Variants in ATP8A1 observed in about 807,000 individuals in gnomAD.
ATP8A1 encodes ATPase phospholipid transporting 8A1.
In ATP8A1, 90 loss-of-function variants were observed where a neutral mutation model predicts 177.7. That is an observed-to-expected ratio of 0.51 (90% CI 0.43 to 0.60). The LOEUF (loss-of-function observed/expected upper bound fraction) is 0.60. Ranked by LOEUF, ATP8A1 falls within the 20% of genes least tolerant of loss-of-function variation. The pLI is 0.00. For synonymous variants in ATP8A1, 493 were observed against 485.9 expected, an observed-to-expected ratio of 1.01 and a Z score of -0.19; for missense variants, 1,072 against 1,392.8, an observed-to-expected ratio of 0.77 and a Z score of 3.67.
At chr4:42,465,459 TAA>T (rs1197646806) in intron 25 of ATP8A1, among the ~76,000 whole-genome samples, 2 of 152,356 alleles carry the variant, frequency 1.3e-5, no homozygotes, top group East Asian at 1.9e-4. Flanking sequence ...AGCTGGAAAG[TAA>T]AAGTTTTGAG....
At chr4:42,625,766 C>T in intron 2 of ATP8A1, 53 bp from the exon 3 acceptor site, 1 of 1,113,482 alleles carries the variant, frequency 9.0e-7, no homozygotes, top group Non-Finnish European at 1.3e-6. Context: ...TTAGCACCCA[C>T]ACTTACAAAG....
chr4:42,524,933 T>C, intron 20 of ATP8A1, 86 bp from the exon 21 acceptor site: 2 of 762,856 alleles, frequency 2.6e-6, no homozygotes, highest in Non-Finnish European at 4.3e-6. Flanking sequence ...CAGTAGGAAA[T>C]CAGTGTAACA....
At chr4:42,599,926 C>T (rs767893445) in intron 6 of ATP8A1, among the ~76,000 whole-genome samples, 9 of 152,188 alleles carry the variant, frequency 5.9e-5, no homozygotes, top group Non-Finnish European at 1.3e-4. Context: ...AAAGAATAAA[C>T]ACCTGAATAA....
At chr4:42,570,494 C>T (rs943511115) in intron 14 of ATP8A1, among the ~76,000 whole-genome samples, 1 of 152,316 alleles carries the variant, frequency 6.6e-6, no homozygotes, top group East Asian at 1.9e-4. Flanking sequence ...ATGGTCCTGC[C>T]AAGCTGCACT....
At chr4:42,553,295 T>C (rs573421739) in intron 16 of ATP8A1, among the ~76,000 whole-genome samples, 7 of 152,278 alleles carry the variant, frequency 4.6e-5, no homozygotes, top group African/African-American at 1.7e-4. Context: ...AGATTTAAAT[T>C]TTAGGCATGC....
At chr4:42,465,914 C>T (rs1438298697) in intron 25 of ATP8A1, among the ~76,000 whole-genome samples, 2 of 151,830 alleles carry the variant, frequency 1.3e-5, no homozygotes, top group African/African-American at 2.4e-5. Flanking sequence ...CGCCTGTAGT[C>T]CCAGCTACTT....
chr4:42,499,441 C>A (rs1723598671), intron 24 of ATP8A1, among the ~76,000 whole-genome samples: 2 of 152,048 alleles, frequency 1.3e-5, no homozygotes. Flanking sequence ...AAAAGAGATG[C>A]CAGAAGGAGA....
intron 31 of ATP8A1, among the ~76,000 whole-genome samples, chr4:42,446,080 CAAAAAAAA>C: frequency 1.6e-5 from 1 of 63,930 alleles, no homozygotes; most frequent in African/African-American, 4.6e-5. Flanking sequence ...AACGCCCTCT[CAAAAAAAA>C]AAAAAAAAAA....
intron 19 of ATP8A1, among the ~76,000 whole-genome samples, chr4:42,547,047 G>A (rs892168307): frequency 7.2e-5 from 11 of 152,106 alleles, no homozygotes; most frequent in Admixed American, 5.2e-4. Context: ...CTGCCAAATT[G>A]CTATTTCAGC....
chr4:42,644,795 G>T (rs1740363194), intron 1 of ATP8A1, among the ~76,000 whole-genome samples: 3 of 151,446 alleles, frequency 2.0e-5, no homozygotes, highest in Non-Finnish European at 4.4e-5. Context: ...GGTAAATTGG[G>T]AGTTTTCACA....
chr4:42,550,277 T>C (rs1346405912), intron 18 of ATP8A1, among the ~76,000 whole-genome samples: 1 of 151,848 alleles, frequency 6.6e-6, no homozygotes, highest in Non-Finnish European at 1.5e-5. Context: ...GATGAATCAA[T>C]AACTCATTCT....
intron 19 of ATP8A1, among the ~76,000 whole-genome samples, chr4:42,545,575 C>T (rs1243042607): frequency 6.6e-6 from 1 of 152,234 alleles, no homozygotes; most frequent in East Asian, 1.9e-4. Context: ...CTCTCTTGCA[C>T]TGTGCAGGGC....
At chr4:42,448,396 C>CTTTACTTTTTTTTTTTTT (rs778022629) in intron 30 of ATP8A1, among the ~76,000 whole-genome samples, 1,474 of 83,834 alleles carry the variant, frequency 0.018, 436 homozygotes, top group Admixed American at 0.037. Context: ...CCTTCTCTTT[C>CTTTACTTTTTTTTTTTTT]TTTTCTTTTT....
At chr4:42,476,949 A>AT (rs1167095042) in intron 25 of ATP8A1, among the ~76,000 whole-genome samples, 1 of 152,208 alleles carries the variant, frequency 6.6e-6, no homozygotes, top group East Asian at 1.9e-4. Context: ...ATTACCACTG[A>AT]TTTTATATAT....
At chr4:42,622,339 G>A (rs934954297) in intron 4 of ATP8A1, among the ~76,000 whole-genome samples, 2 of 151,732 alleles carry the variant, frequency 1.3e-5, no homozygotes, top group Admixed American at 6.6e-5. Flanking sequence ...CCAAGATTGC[G>A]CCACTGCACT....
intron 20 of ATP8A1, among the ~76,000 whole-genome samples, chr4:42,527,743 T>C (rs1223170491): frequency 6.6e-6 from 1 of 150,576 alleles, no homozygotes; most frequent in Non-Finnish European, 1.5e-5. Context: ...AGCAGAAAAC[T>C]TCTAGGTCGA....
intron 5 of ATP8A1, among the ~76,000 whole-genome samples, chr4:42,615,670 CAT>C (rs1736834078): frequency 6.6e-6 from 1 of 152,162 alleles, no homozygotes; most frequent in East Asian, 1.9e-4. Flanking sequence ...AGTGACATCA[CAT>C]GTGATTATTT....
At chr4:42,648,839 T>C (rs1420032757) in intron 1 of ATP8A1, among the ~76,000 whole-genome samples, 1 of 152,130 alleles carries the variant, frequency 6.6e-6, no homozygotes, top group Non-Finnish European at 1.5e-5. Flanking sequence ...ATGTTAAACC[T>C]AATAAAGCAA....
At position 42,504,919 on chromosome 4, in the gene ATP8A1, G is replaced by A. The variant is rs572742648; in HGVS notation, c.2087-1405C>T. Among the ~76,000 whole-genome samples the A allele has an allele frequency of 3.9e-5, 6 of 152,316 alleles. No homozygotes were observed. The East Asian group carries it at 1.2e-3, about 29-fold the overall frequency. On this transcript the variant is annotated intron_variant, in intron 23 of 36. Coordinates refer to ENST00000381668, the MANE Select transcript of ATP8A1 (RefSeq NM_006095.2). ...TTTTGTGCTGTTTCTCTCTGTAACA[G>A]AAGACAGCTTTTCTCTAATCATCAT...
Sources: gnomAD v4.1 joint callset for allele counts (sites outside exome capture counted in the v4.1 genomes callset) on GRCh38, gnomAD v4.1.1 for gene constraint, MANE v1.5 for transcripts, NCBI Gene and HGNC (gene_info 2026-07-23, HGNC 2026-07-21) for gene names.